TTC27: variants seen among roughly 807,000 people sequenced by gnomAD.
TTC27 encodes the protein tetratricopeptide repeat domain 27, also known as tetratricopeptide repeat protein 27.
In TTC27, 79 loss-of-function variants were observed where a neutral mutation model predicts 115.9. The ratio of observed to expected loss-of-function variants is 0.68; its 90% confidence interval spans 0.57 to 0.82. The LOEUF (loss-of-function observed/expected upper bound fraction) is 0.82, where lower values mean the gene tolerates loss of function less well. Ranked by LOEUF, TTC27 falls within the 40% of genes least tolerant of loss-of-function variation. TTC27 has a pLI of 0.00. For synonymous variants in TTC27, 401 were observed against 356.0 expected (o/e 1.13, Z -1.42); for missense variants, 1,054 against 993.1 (o/e 1.06, Z -0.82).
chr2:32,650,250 T>C lies in TTC27; in HGVS notation c.640+17T>C, dbSNP rs750046248. 57 of 1,599,450 alleles carry C rather than the reference T, an allele frequency of 3.6e-5. No individual in the cohort carries two copies. Among genetic ancestry groups the C allele is most frequent in the Non-Finnish European group, 4.7e-5 (55 of 1,167,862 alleles). ...TTGATCAAGGTATGTAGCAGATTTT[T>C]GTTTGATATGGGCATGTAGCTCAGT... On this transcript the variant is annotated intron_variant, in intron 5 of 19. Coordinates refer to ENST00000317907, the MANE Select transcript of TTC27 (RefSeq NM_017735.5).
chr2:32,769,305 T>C lies in TTC27; in HGVS notation c.1681-8577T>C, dbSNP rs760861217. On this transcript the variant is annotated intron_variant, in intron 13 of 19. Transcript: ENST00000317907. The stretch of plus-strand genomic sequence containing the variant: ...AAATGTCAGCGAGTTATGTCACATG[T>C]AGTGATAAAGTGCAGAGGGCTATGA... 3.9e-5 allele frequency among the ~76,000 whole-genome samples: 6 copies of C among 152,176 alleles called. No individual in the cohort carries two copies. The East Asian group carries it at 1.2e-3, about 29-fold the overall frequency.
At chr2:32,663,747 C>T (rs901272653) in intron 5 of TTC27, among the ~76,000 whole-genome samples, 5 of 152,018 alleles carry the variant, frequency 3.3e-5, no homozygotes, top group African/African-American at 1.2e-4. Flanking sequence ...TGCAGTGGTG[C>T]GATCTCAGCT....
At chr2:32,727,297 A>C (rs1668143656) in intron 10 of TTC27, among the ~76,000 whole-genome samples, 2 of 152,232 alleles carry the variant, frequency 1.3e-5, no homozygotes, top group African/African-American at 4.8e-5. Flanking sequence ...TGGGAAGATC[A>C]GCTCATTTTC....
intron 10 of TTC27, among the ~76,000 whole-genome samples, chr2:32,721,444 A>T (rs1201470241): frequency 6.6e-6 from 1 of 152,020 alleles, no homozygotes; most frequent in African/African-American, 2.4e-5. Flanking sequence ...CCTCATTCTC[A>T]TATCTTTGCT....
chr2:32,725,879 G>T (rs62133873), intron 10 of TTC27, among the ~76,000 whole-genome samples: 50,956 of 152,108 alleles, frequency 0.33, 9,048 homozygotes, highest in Non-Finnish European at 0.39. Context: ...CTAGGCAGAG[G>T]TTCTCAAACC....
At chr2:32,745,663 G>T (rs542676320) in intron 12 of TTC27, among the ~76,000 whole-genome samples, 1 of 151,124 alleles carries the variant, frequency 6.6e-6, no homozygotes, top group Non-Finnish European at 1.5e-5. Flanking sequence ...GCCTAACTCA[G>T]TATTTTGAAA....
chr2:32,817,626 G>A, intron 19 of TTC27, 69 bp downstream of exon 19: 1 of 1,320,678 alleles, frequency 7.6e-7, no homozygotes, highest in Non-Finnish European at 1.1e-6. Flanking sequence ...GCTTATTGCT[G>A]TTAAATCTTC....
intron 6 of TTC27, among the ~76,000 whole-genome samples, chr2:32,664,721 C>G (rs1194248738): frequency 6.6e-6 from 1 of 152,152 alleles, no homozygotes; most frequent in African/African-American, 2.4e-5. Flanking sequence ...CCAGGCAGTA[C>G]ACAAACACAC....
chr2:32,772,960 G>A (rs1669878924), intron 13 of TTC27, among the ~76,000 whole-genome samples: 1 of 152,174 alleles, frequency 6.6e-6, no homozygotes, highest in Non-Finnish European at 1.5e-5. Flanking sequence ...GGTCGTAACA[G>A]TTACTCAGAG....
intron 13 of TTC27, among the ~76,000 whole-genome samples, chr2:32,762,396 C>A (rs1669471439): frequency 1.3e-5 from 2 of 150,528 alleles, no homozygotes; most frequent in African/African-American, 4.9e-5. Flanking sequence ...AGTTATAGTG[C>A]GAAACCTAGA....
chr2:32,727,565 G>T (rs1373294886), intron 10 of TTC27, among the ~76,000 whole-genome samples: 2 of 152,048 alleles, frequency 1.3e-5, no homozygotes, highest in Non-Finnish European at 2.9e-5. Context: ...CTCTTTCCCT[G>T]TTCAATTACC....
At chr2:32,720,173 G>T (rs1667876573) in intron 10 of TTC27, among the ~76,000 whole-genome samples, 2 of 151,870 alleles carry the variant, frequency 1.3e-5, no homozygotes, top group South Asian at 4.2e-4. Context: ...GTTTATTTTT[G>T]GACTCTGTGT....
rs558411166 is a variant in TTC27, at chr2:32,628,479, C to G, written c.88+99C>G. The G allele has an allele frequency of 2.6e-4, 312 of 1,193,368 alleles. 4 individuals carry two copies. In the South Asian group the frequency reaches 4.7e-3, roughly 18 times the overall value. The allele number at this position is 1,193,368 out of a possible 1,614,324, so 73.9% of individuals were successfully genotyped here. On this transcript the variant is annotated intron_variant, in intron 1 of 19. Coordinates refer to ENST00000317907, the MANE Select transcript of TTC27 (RefSeq NM_017735.5). ...CATCCCTCCCTTCATTTTTCCCTAA[C>G]ACAGTCTAGCTGATTCCTTGAGGCT...
rs775053927 is a variant in TTC27, at chr2:32,777,956, G to T, written c.1755G>T (p.Gln585His). ...ATCAAGGTTCAGCAAAGGCATTTCA[G>T]CGCTGTGTGACTCTAGAACCCGATG... ...EDYQGSAKAF[Q>H]RCVTLEPDNA... The change falls in exon 14 of 20, where the codon CAG (glutamine) becomes CAT (histidine). Residue 585 changes from glutamine to histidine, a missense_variant. Coordinates refer to ENST00000317907, the MANE Select transcript of TTC27 (RefSeq NM_017735.5). 1.2e-6 allele frequency: 2 copies of T among 1,613,914 alleles called. No individual in the cohort carries two copies. The highest frequency in any genetic ancestry group is 2.7e-5 in the African/African-American group (2 of 74,896).
intron 17 of TTC27, among the ~76,000 whole-genome samples, chr2:32,811,995 C>T (rs879317628): frequency 5.3e-5 from 8 of 152,132 alleles, no homozygotes; most frequent in Non-Finnish European, 1.2e-4. Flanking sequence ...ACATGCACAC[C>T]CTACTTTCAT....
rs114760299 is a variant in TTC27 at position 32,637,296 on chromosome 2, G to A, written c.397-2974G>A. ...GGTAGAACAGGCAGACATATTTCTTGTCTCAGAGTGATTAGGAGAAGGATT... is the reference window on the plus strand; with the variant it reads ...GGTAGAACAGGCAGACATATTTCTTATCTCAGAGTGATTAGGAGAAGGATT... On this transcript the variant is annotated intron_variant, in intron 3 of 19. Transcript: ENST00000317907. Among the ~76,000 whole-genome samples, 1,468 of 151,898 alleles carry A rather than the reference G, an allele frequency of 9.7e-3. 11 individuals carry two copies. Among genetic ancestry groups the A allele is most frequent in the Middle Eastern group, 0.028 (8 of 290 alleles).
chr2:32,685,287 C>T (rs1666592466), intron 9 of TTC27, among the ~76,000 whole-genome samples: 1 of 152,122 alleles, frequency 6.6e-6, no homozygotes, highest in Admixed American at 6.5e-5. Flanking sequence ...TTCTTGGCCT[C>T]CCGAAGTGCT....
intron 9 of TTC27, among the ~76,000 whole-genome samples, chr2:32,681,978 ATATGTGTGTGTGTGTGTG>A (rs1203743882): frequency 1.0e-4 from 14 of 137,886 alleles, no homozygotes; most frequent in Non-Finnish European, 1.4e-4. Flanking sequence ...ATATGTATAT[ATATGTGTGTGTGTGTGTG>A]TGTGTGTGTG....
chr2:32,644,933 T>TTTGG (rs1553543444), intron 4 of TTC27, among the ~76,000 whole-genome samples: 1 of 146,428 alleles, frequency 6.8e-6, no homozygotes, highest in South Asian at 2.2e-4. Context: ...GCCTTCAACT[T>TTTGG]GTGGGCTCAA....
Sources: allele counts gnomAD v4.1 joint callset (sites outside exome capture counted in the v4.1 genomes callset), GRCh38; gene constraint gnomAD v4.1.1; transcripts MANE v1.5; gene names NCBI Gene and HGNC (gene_info 2026-07-23, HGNC 2026-07-21).